PLXDC2: variants seen among roughly 807,000 people sequenced by gnomAD.
The protein encoded by PLXDC2 is plexin domain-containing protein 2.
Under a neutral mutation model 68.9 loss-of-function variants are expected in PLXDC2, and 40 were observed. The ratio of observed to expected loss-of-function variants is 0.58; its 90% CI spans 0.45 to 0.76. PLXDC2 has a LOEUF of 0.76. Among genes scored for constraint, PLXDC2 ranks in the 30% least tolerant of loss-of-function variants. The pLI is 0.00. For synonymous variants in PLXDC2, 243 were observed against 234.2 expected (o/e 1.04, Z -0.34); for missense variants, 644 against 661.9 (o/e 0.97, Z 0.30).
intron 13 of PLXDC2, among the ~76,000 whole-genome samples, chr10:20,249,964 A>G (rs1014174500): frequency 4.6e-5 from 7 of 152,156 alleles, no homozygotes; most frequent in Non-Finnish European, 7.3e-5. Flanking sequence ...CGTATATAAT[A>G]TGGTGAAATT....
intron 13 of PLXDC2, among the ~76,000 whole-genome samples, chr10:20,246,672 C>T (rs565041574): frequency 3.7e-4 from 57 of 152,238 alleles, no homozygotes; most frequent in Non-Finnish European, 6.2e-4. Context: ...TTGACTCTAA[C>T]ATCTAAATGG....
intron 1 of PLXDC2, among the ~76,000 whole-genome samples, chr10:19,992,014 G>C (rs937277620): frequency 6.6e-6 from 1 of 152,212 alleles, no homozygotes; most frequent in Non-Finnish European, 1.5e-5. Flanking sequence ...AACAAGAGCA[G>C]TTTGAGATGA....
At chr10:19,904,003 T>C (rs939821205) in intron 1 of PLXDC2, among the ~76,000 whole-genome samples, 1 of 152,160 alleles carries the variant, frequency 6.6e-6, no homozygotes, top group East Asian at 1.9e-4. Flanking sequence ...GAGGGTTCCT[T>C]TTGGAGATGA....
At position 20,212,675 on chromosome 10, in the gene PLXDC2, G is replaced by A. The variant is rs139101268; in HGVS notation, c.1122+946G>A. On this transcript the variant is annotated intron_variant, in intron 10 of 13. Coordinates refer to ENST00000377252, the MANE Select transcript of PLXDC2 (RefSeq NM_032812.9). ...GACTTTTTAAAAATTCATTTTTGGG[G>A]GGCATGTTTCATAAAGATCTTGAGC... is the stretch of plus-strand genomic sequence containing the variant. Among the ~76,000 whole-genome samples, 527 of 152,150 alleles carry A rather than the reference G, an allele frequency of 3.5e-3. 2 individuals carry two copies. Among genetic ancestry groups the A allele is most frequent in the African/African-American group, 0.011 (474 of 41,522 alleles).
At chr10:20,239,459 C>T (rs1190803683) in intron 12 of PLXDC2, among the ~76,000 whole-genome samples, 10 of 152,026 alleles carry the variant, frequency 6.6e-5, no homozygotes, top group East Asian at 3.9e-4. Context: ...TGGCAGAAGG[C>T]GAAGGAAAAG....
chr10:20,205,619 G>A (rs1357865871), intron 9 of PLXDC2, among the ~76,000 whole-genome samples: 1 of 152,002 alleles, frequency 6.6e-6, no homozygotes, highest in African/African-American at 2.4e-5. Flanking sequence ...TCCTGTCTAT[G>A]AAGTGAAAAC....
intron 1 of PLXDC2, among the ~76,000 whole-genome samples, chr10:19,927,250 G>A (rs1833550959): frequency 6.6e-6 from 1 of 152,152 alleles, no homozygotes; most frequent in Non-Finnish European, 1.5e-5. Flanking sequence ...AAACAGGGTA[G>A]GTTATGAGTC....
intron 9 of PLXDC2, among the ~76,000 whole-genome samples, chr10:20,185,045 G>T (rs1459801700): frequency 6.7e-6 from 1 of 150,278 alleles, no homozygotes; most frequent in African/African-American, 2.4e-5. Context: ...AATACCTAAT[G>T]CATGCGGGGC....
chr10:20,045,023 T>C (rs1440967721), intron 2 of PLXDC2, among the ~76,000 whole-genome samples: 2 of 152,188 alleles, frequency 1.3e-5, no homozygotes, highest in African/African-American at 2.4e-5. Context: ...TGGAAACCCA[T>C]TGAAGTTTCA....
intron 6 of PLXDC2, 54 bp downstream of exon 6, chr10:20,147,956 T>C: frequency 1.6e-6 from 2 of 1,239,970 alleles, no homozygotes; most frequent in Middle Eastern, 1.9e-4. Flanking sequence ...GACTGCTGCC[T>C]TTCCTCCAAA....
At chr10:20,177,291 G>A (rs762404378) in intron 8 of PLXDC2, 37 bp from the exon 9 acceptor site, 230 of 1,509,282 alleles carry the variant, frequency 1.5e-4, no homozygotes, top group Non-Finnish European at 2.1e-4. Flanking sequence ...CAAGTTGCCT[G>A]TTAGTCTTGG....
intron 1 of PLXDC2, among the ~76,000 whole-genome samples, chr10:19,911,239 T>C (rs1270510788): frequency 6.6e-6 from 1 of 151,858 alleles, no homozygotes; most frequent in Non-Finnish European, 1.5e-5. Context: ...AAAGGAATCA[T>C]TGAGCGTGTT....
chr10:19,896,051 C>T (rs568844324), intron 1 of PLXDC2, among the ~76,000 whole-genome samples: 2 of 152,264 alleles, frequency 1.3e-5, no homozygotes, highest in African/African-American at 4.8e-5. Context: ...TTTCACTTTC[C>T]TTCACTCCAG....
chr10:19,819,227 G>T (rs540240260), intron 1 of PLXDC2, among the ~76,000 whole-genome samples: 2 of 152,110 alleles, frequency 1.3e-5, no homozygotes, highest in African/African-American at 4.8e-5. Context: ...GAATATTTCT[G>T]ATGGGAAATA....
intron 1 of PLXDC2, among the ~76,000 whole-genome samples, chr10:19,951,749 T>C (rs1833995740): frequency 6.6e-6 from 1 of 152,138 alleles, no homozygotes; most frequent in Non-Finnish European, 1.5e-5. Context: ...TCAATTCAGG[T>C]GCCCATCAGT....
At chr10:19,883,166 G>T (rs1277949270) in intron 1 of PLXDC2, among the ~76,000 whole-genome samples, 1 of 152,030 alleles carries the variant, frequency 6.6e-6, no homozygotes, top group East Asian at 1.9e-4. Flanking sequence ...GTTTCACTGT[G>T]TTAGCCAGGA....
At chr10:20,075,861 C>A (rs569690803) in intron 4 of PLXDC2, among the ~76,000 whole-genome samples, 1 of 152,294 alleles carries the variant, frequency 6.6e-6, no homozygotes, top group Non-Finnish European at 1.5e-5. Flanking sequence ...TCATCCCCTT[C>A]CATTGCCATA....
intron 3 of PLXDC2, among the ~76,000 whole-genome samples, chr10:20,065,891 C>T (rs957211478): frequency 6.6e-6 from 1 of 152,204 alleles, no homozygotes; most frequent in Non-Finnish European, 1.5e-5. Flanking sequence ...TCACCTGCTG[C>T]TGTGTAGCCC....
chr10:20,110,966 G>A (rs1283911704), intron 4 of PLXDC2, among the ~76,000 whole-genome samples: 1 of 151,962 alleles, frequency 6.6e-6, no homozygotes, highest in Non-Finnish European at 1.5e-5. Context: ...CACCTATTGG[G>A]CTCCCTTGTC....
Sources: allele counts gnomAD v4.1 joint callset (sites outside exome capture counted in the v4.1 genomes callset), GRCh38; gene constraint gnomAD v4.1.1; transcripts MANE v1.5; gene names NCBI Gene and HGNC (gene_info 2026-07-23, HGNC 2026-07-21).